PCDH11X: variants seen among roughly 807,000 people sequenced by gnomAD.
PCDH11X encodes the protein protocadherin 11 X-linked.
A neutral mutation model predicts 53.3 loss-of-function variants in PCDH11X; 18 were observed. The observed-to-expected ratio is 0.34, with a 90% CI of 0.23 to 0.50. The LOEUF is 0.50. Among genes scored for constraint, PCDH11X ranks in the 20% least tolerant of loss-of-function variants. The pLI, the probability that PCDH11X is intolerant of heterozygous loss-of-function variation, is 0.98. For synonymous variants in PCDH11X, 279 were observed against 393.3 expected (o/e 0.71, Z 3.44); for missense variants, 570 against 1,032.4 (o/e 0.55, Z 6.14).
At chrX:91,959,016 C>T (rs1379516500) in intron 6 of PCDH11X, among the ~76,000 whole-genome samples, 5 of 106,425 alleles carry the variant, frequency 4.7e-5, no homozygotes, top group Non-Finnish European at 1.9e-5. Context: ...CACATTTTTC[C>T]TAGCTATCGG....
chrX:92,312,353 A>G (rs946610029), intron 8 of PCDH11X, among the ~76,000 whole-genome samples: 9 of 111,173 alleles, frequency 8.1e-5, no homozygotes, highest in African/African-American at 2.6e-4. Flanking sequence ...TTTAGTATGT[A>G]GTATGAAAAA....
intron 6 of PCDH11X, among the ~76,000 whole-genome samples, chrX:92,044,942 C>T (rs1341715615): frequency 1.2e-5 from 1 of 84,297 alleles, no homozygotes; most frequent in Non-Finnish European, 2.0e-5. Context: ...TATGTGTCCT[C>T]AGCCCTGTCA....
chrX:91,996,215 C>T (rs1421010419), intron 6 of PCDH11X, among the ~76,000 whole-genome samples: 43 of 96,282 alleles, frequency 4.5e-4, no homozygotes, highest in African/African-American at 1.4e-3. Context: ...GGTGCAATCT[C>T]GGCTCACTGC....
At chrX:92,160,291 G>A (rs1316530705) in intron 6 of PCDH11X, among the ~76,000 whole-genome samples, 1 of 110,241 alleles carries the variant, frequency 9.1e-6, no homozygotes, top group East Asian at 2.9e-4. Context: ...CCAATTTGTA[G>A]CCTTTTATTT....
chrX:91,862,121 G>C (rs1320485510), intron 5 of PCDH11X, among the ~76,000 whole-genome samples: 1 of 109,145 alleles, frequency 9.2e-6, no homozygotes, highest in Non-Finnish European at 1.9e-5. Context: ...CTCATAGAAT[G>C]AGTCTGGAAA....
At chrX:91,911,188 T>C (rs2147802302) in intron 6 of PCDH11X, among the ~76,000 whole-genome samples, 1 of 111,070 alleles carries the variant, frequency 9.0e-6, no homozygotes, top group East Asian at 2.8e-4. Flanking sequence ...GGTCCTTTTT[T>C]ATTGCTGCTA....
chrX:91,969,401 A>C, intron 6 of PCDH11X, among the ~76,000 whole-genome samples: 1 of 86,401 alleles, frequency 1.2e-5, no homozygotes, highest in African/African-American at 5.5e-5. Context: ...GTCTTGTTAG[A>C]TTAAAAAAAA....
chrX:91,861,204 G>T (rs1487224828), intron 5 of PCDH11X, among the ~76,000 whole-genome samples: 1 of 111,544 alleles, frequency 9.0e-6, no homozygotes, highest in African/African-American at 3.3e-5. Context: ...GTTCAGTTTT[G>T]GGAGGGTGTA....
At chrX:91,785,392 C>T (rs1569377394) in intron 1 of PCDH11X, among the ~76,000 whole-genome samples, 1 of 108,573 alleles carries the variant, frequency 9.2e-6, no homozygotes, top group Admixed American at 9.9e-5. Flanking sequence ...CAAAGGAACC[C>T]CTGTTTGTTT....
intron 5 of PCDH11X, among the ~76,000 whole-genome samples, chrX:91,873,543 T>A: frequency 9.0e-6 from 1 of 110,754 alleles, no homozygotes; most frequent in East Asian, 2.8e-4. Flanking sequence ...TCACATAAAG[T>A]AATTAAAAGA....
intron 6 of PCDH11X, among the ~76,000 whole-genome samples, chrX:92,049,997 ACTCCTGAC>A (rs1271558335): frequency 9.0e-6 from 1 of 111,472 alleles, no homozygotes; most frequent in African/African-American, 3.3e-5. Flanking sequence ...CTGGTCTCGA[ACTCCTGAC>A]CTCAGGTGAT....
intron 6 of PCDH11X, among the ~76,000 whole-genome samples, chrX:92,018,111 C>T (rs1393524267): frequency 9.3e-6 from 1 of 106,991 alleles, no homozygotes; most frequent in Non-Finnish European, 1.9e-5. Flanking sequence ...CTCATTCTTA[C>T]TATCTGCTGT....
intron 4 of PCDH11X, among the ~76,000 whole-genome samples, chrX:91,821,697 C>A (rs1156780256): frequency 1.5e-4 from 16 of 103,484 alleles, no homozygotes; most frequent in Non-Finnish European, 2.8e-4. Context: ...CTGGCCAGAA[C>A]TTCCAACACT....
intron 6 of PCDH11X, among the ~76,000 whole-genome samples, chrX:92,105,286 C>T (rs2064354058): frequency 9.0e-6 from 1 of 111,096 alleles, no homozygotes; most frequent in Non-Finnish European, 1.9e-5. Flanking sequence ...AAAAATAGGC[C>T]TCTTACCGGA....
At chrX:92,227,244 A>G (rs1021134070) in intron 7 of PCDH11X, among the ~76,000 whole-genome samples, 29 of 110,993 alleles carry the variant, frequency 2.6e-4, no homozygotes, top group African/African-American at 9.2e-4. Flanking sequence ...ACTGATCTCC[A>G]CATTGATCCT....
At chrX:91,822,756 T>C (rs780245772) in intron 4 of PCDH11X, among the ~76,000 whole-genome samples, 1 of 111,425 alleles carries the variant, frequency 9.0e-6, no homozygotes, top group South Asian at 3.7e-4. Flanking sequence ...GTTCTTTTAA[T>C]TATGATACTA....
At chrX:92,003,910 C>G (rs2084343891) in intron 6 of PCDH11X, among the ~76,000 whole-genome samples, 1 of 110,294 alleles carries the variant, frequency 9.1e-6, no homozygotes, top group Admixed American at 9.8e-5. Flanking sequence ...TTTATTATCT[C>G]TTTTCTTCTA....
At chrX:92,465,204 G>C (rs2073134681) in intron 9 of PCDH11X, among the ~76,000 whole-genome samples, 1 of 111,560 alleles carries the variant, frequency 9.0e-6, no homozygotes, top group African/African-American at 3.3e-5. Context: ...CAGGTGAATT[G>C]AATCTTGACT....
chrX:91,791,789 C>A (rs1401874054), intron 1 of PCDH11X, among the ~76,000 whole-genome samples: 1 of 99,453 alleles, frequency 1.0e-5, no homozygotes, highest in Non-Finnish European at 2.0e-5. Flanking sequence ...ACTCTATTAT[C>A]AAAGAATAGA....
Sources: gnomAD v4.1 joint callset for allele counts (sites outside exome capture counted in the v4.1 genomes callset) on GRCh38, gnomAD v4.1.1 for gene constraint, MANE v1.5 for transcripts, NCBI Gene and HGNC (gene_info 2026-07-23, HGNC 2026-07-21) for gene names.